Variants in ELMO1 observed in about 807,000 individuals in gnomAD.
ELMO1 encodes engulfment and cell motility protein 1.
A neutral mutation model predicts 98.9 loss-of-function variants in ELMO1; 26 were observed. The observed-to-expected ratio is 0.26, with a 90% CI of 0.19 to 0.36. The LOEUF is 0.36. ELMO1 is among the 10% of genes least tolerant of loss of function. The pLI is 1.00. For synonymous variants in ELMO1, 346 were observed against 346.0 expected (o/e 1.00, Z 0.00); for missense variants, 627 against 935.2 (o/e 0.67, Z 4.30).
At chr7:37,229,311 A>G (rs1398491035) in intron 8 of ELMO1, among the ~76,000 whole-genome samples, 1 of 151,828 alleles carries the variant, frequency 6.6e-6, no homozygotes, top group Admixed American at 6.6e-5. Context: ...TCTACTCCAT[A>G]TTTTCTTACT....
At chr7:37,290,078 A>T (rs550495519) in intron 4 of ELMO1, among the ~76,000 whole-genome samples, 25 of 152,208 alleles carry the variant, frequency 1.6e-4, no homozygotes, top group Non-Finnish European at 3.5e-4. Context: ...TTAAGAGCTG[A>T]TCCAAAGATA....
chr7:36,950,367 ATC>A (rs1787870025), intron 16 of ELMO1, among the ~76,000 whole-genome samples: 1 of 152,112 alleles, frequency 6.6e-6, no homozygotes, highest in African/African-American at 2.4e-5. Flanking sequence ...GAGTCAAAAG[ATC>A]TGTTTTCCTT....
intron 1 of ELMO1, among the ~76,000 whole-genome samples, chr7:37,357,113 T>A (rs1195384168): frequency 1.3e-5 from 2 of 152,220 alleles, no homozygotes; most frequent in Non-Finnish European, 2.9e-5. Flanking sequence ...ATCATAGTTC[T>A]ATATGGCTGT....
intron 17 of ELMO1, 62 bp from the exon 18 acceptor site, chr7:36,887,734 G>A: frequency 5.6e-6 from 8 of 1,440,488 alleles, no homozygotes; most frequent in Non-Finnish European, 6.8e-6. Context: ...GGCTTGGTGG[G>A]CATCATGGGC....
chr7:37,029,207 T>C (rs1038877883), intron 15 of ELMO1, among the ~76,000 whole-genome samples: 1 of 152,086 alleles, frequency 6.6e-6, no homozygotes, highest in African/African-American at 2.4e-5. Context: ...AATAAATACA[T>C]AATTGCTGCC....
chr7:36,961,866 TA>T (rs1233704118), intron 16 of ELMO1, among the ~76,000 whole-genome samples: 1 of 152,176 alleles, frequency 6.6e-6, no homozygotes, highest in Non-Finnish European at 1.5e-5. Flanking sequence ...GGCATGTAAA[TA>T]GTATTGTCCC....
At chr7:37,105,503 T>A (rs761386231) in intron 14 of ELMO1, among the ~76,000 whole-genome samples, 4 of 152,222 alleles carry the variant, frequency 2.6e-5, no homozygotes, top group Non-Finnish European at 4.4e-5. Flanking sequence ...GAGCTTCTAT[T>A]AGAATCCTCT....
chr7:37,262,070 T>C (rs983830690), intron 5 of ELMO1, among the ~76,000 whole-genome samples: 1 of 152,234 alleles, frequency 6.6e-6, no homozygotes, highest in Non-Finnish European at 1.5e-5. Flanking sequence ...GGAAGCTAAG[T>C]AGATGGAATT....
intron 1 of ELMO1, among the ~76,000 whole-genome samples, chr7:37,381,178 T>C (rs1396216589): frequency 1.3e-5 from 2 of 152,212 alleles, no homozygotes; most frequent in Non-Finnish European, 2.9e-5. Context: ...GATTCTCAAA[T>C]ACAGAATCTG....
chr7:36,972,830 G>A (rs1051134623), intron 16 of ELMO1, among the ~76,000 whole-genome samples: 1 of 152,142 alleles, frequency 6.6e-6, no homozygotes, highest in Non-Finnish European at 1.5e-5. Flanking sequence ...AGGCTGGATG[G>A]AGTACAATGG....
At chr7:37,235,052 T>C (rs1299029633) in intron 7 of ELMO1, among the ~76,000 whole-genome samples, 1 of 152,100 alleles carries the variant, frequency 6.6e-6, no homozygotes. Context: ...CATCAAAGGA[T>C]CATGCCTCAA....
At chr7:36,927,642 G>A (rs1280612285) in intron 16 of ELMO1, among the ~76,000 whole-genome samples, 4 of 152,120 alleles carry the variant, frequency 2.6e-5, no homozygotes, top group Non-Finnish European at 5.9e-5. Flanking sequence ...CCCAGAACTG[G>A]GGACCACACA....
chr7:37,339,991 C>A (rs1363357078), intron 2 of ELMO1, among the ~76,000 whole-genome samples: 1 of 152,102 alleles, frequency 6.6e-6, no homozygotes, highest in Admixed American at 6.6e-5. Flanking sequence ...CTGTCCTGTA[C>A]TCTACAAAAA....
Position 37,259,275 on chromosome 7 carries a change from A to G in ELMO1, c.319T>C (p.Leu107=). 2 of 1,614,190 alleles carry G rather than the reference A, an allele frequency of 1.2e-6. No homozygotes were observed. The highest frequency in any genetic ancestry group is 1.7e-6 in the Non-Finnish European group (2 of 1,180,020). ...MDAKLEALKD[L]ASLSRDVTFA... is the part of the protein sequence containing the mutation. Reference sequence around the variant, plus strand: ...GTGACATCCCGGGAGAGGCTGGCCAAGTCCTTCAGGGCTTCCAGCTTGGCA... The same window carrying G: ...GTGACATCCCGGGAGAGGCTGGCCAGGTCCTTCAGGGCTTCCAGCTTGGCA... The change falls in exon 6 of 22, where the codon TTG becomes CTG. Residue 107 remains leucine, a synonymous_variant. Transcript: ENST00000310758.
At chr7:36,925,898 T>C (rs1326611885) in intron 16 of ELMO1, among the ~76,000 whole-genome samples, 1 of 152,008 alleles carries the variant, frequency 6.6e-6, no homozygotes, top group African/African-American at 2.4e-5. Flanking sequence ...GATGTTTCTA[T>C]CCCCCAGCAC....
chr7:37,203,912 G>C (rs1213839963), intron 13 of ELMO1, among the ~76,000 whole-genome samples: 1 of 151,124 alleles, frequency 6.6e-6, no homozygotes, highest in Non-Finnish European at 1.5e-5. Flanking sequence ...GCTGGTTCCA[G>C]GCAAACCAAC....
chr7:36,986,334 A>C (rs1791504970), intron 16 of ELMO1: 1 of 887,160 alleles, frequency 1.1e-6, no homozygotes, highest in South Asian at 5.2e-5. Flanking sequence ...AGAGAAAAAT[A>C]ATAACTTCGT....
chr7:37,028,042 T>A (rs1562907164), intron 15 of ELMO1, among the ~76,000 whole-genome samples: 1 of 152,158 alleles, frequency 6.6e-6, no homozygotes, highest in African/African-American at 2.4e-5. Flanking sequence ...CTGTCTTTTT[T>A]TTTTTTAACA....
intron 2 of ELMO1, among the ~76,000 whole-genome samples, chr7:37,321,924 C>A (rs572490873): frequency 7.0e-6 from 1 of 142,774 alleles, no homozygotes; most frequent in Admixed American, 7.2e-5. Flanking sequence ...GTGGCATGAT[C>A]TCAGCTCACT....
Sources: gnomAD v4.1 joint callset for allele counts (sites outside exome capture counted in the v4.1 genomes callset) on GRCh38, gnomAD v4.1.1 for gene constraint, MANE v1.5 for transcripts, NCBI Gene and HGNC (gene_info 2026-07-23, HGNC 2026-07-21) for gene names.